Variants in ASTN2 observed in about 807,000 individuals in gnomAD.
The protein encoded by ASTN2 is astrotactin-2.
A neutral mutation model predicts 139.8 loss-of-function variants in ASTN2; 54 were observed. The ratio of observed to expected loss-of-function variants is 0.39; its 90% CI spans 0.31 to 0.48. ASTN2 has a LOEUF of 0.48. Ranked by LOEUF, ASTN2 falls within the 20% of genes least tolerant of loss-of-function variation. The probability of loss-of-function intolerance (pLI) is 0.95; values close to 1 mark genes in which losing one functional copy is unlikely to be tolerated. For missense variants in ASTN2, 1,565 were observed against 1,725.1 expected, an observed-to-expected ratio of 0.91 and a Z score of 1.64; for synonymous variants, 756 against 719.5, an observed-to-expected ratio of 1.05 and a Z score of -0.81.
chr9:116,760,991 T>C (rs1829659011), intron 13 of ASTN2, among the ~76,000 whole-genome samples: 1 of 152,174 alleles, frequency 6.6e-6, no homozygotes, highest in Non-Finnish European at 1.5e-5. Flanking sequence ...TGTGCTGAGA[T>C]GCTGGAAGGA....
chr9:116,681,227 A>G (rs1448397483), intron 16 of ASTN2, among the ~76,000 whole-genome samples: 1 of 152,228 alleles, frequency 6.6e-6, no homozygotes, highest in Non-Finnish European at 1.5e-5. Flanking sequence ...TTATATACCA[A>G]TAACAGACAA....
chr9:116,611,100 T>G (rs188014291), intron 19 of ASTN2: 1 of 152,014 alleles, frequency 6.6e-6, no homozygotes, highest in Non-Finnish European at 1.5e-5. Flanking sequence ...TTTCTGACTA[T>G]AGCGGAATCA....
intron 7 of ASTN2, among the ~76,000 whole-genome samples, chr9:116,996,641 C>A (rs1011551134): frequency 6.6e-6 from 1 of 152,080 alleles, no homozygotes; most frequent in Admixed American, 6.6e-5. Context: ...GCAGAAGAAA[C>A]AGCACCATCA....
chr9:116,498,087 A>C (rs1300726169), intron 19 of ASTN2, among the ~76,000 whole-genome samples: 1 of 152,198 alleles, frequency 6.6e-6, no homozygotes, highest in Non-Finnish European at 1.5e-5. Context: ...GGCAGGGTTG[A>C]AGTTATGATT....
intron 13 of ASTN2, among the ~76,000 whole-genome samples, chr9:116,754,795 T>C (rs192582936): frequency 6.6e-6 from 1 of 152,294 alleles, no homozygotes; most frequent in Non-Finnish European, 1.5e-5. Context: ...CGCAACCACA[T>C]AATTCTGGGA....
In ASTN2 at chr9:117,147,438, AACACACACAC is replaced by A. The variant is rs35703147; in HGVS notation, c.1016-5970_1016-5961del. ...GTGAAAGAGTGAGACTCTGACTCAA[AACACACACAC>A]ACACACACACACACACCCCCGTTAT... On this transcript the variant is annotated intron_variant, in intron 3 of 22. Transcript: ENST00000313400. Among the ~76,000 whole-genome samples, 23 of 148,372 alleles carry A rather than the reference AACACACACAC, an allele frequency of 1.6e-4. No individual in the cohort carries two copies. In the South Asian group the frequency reaches 1.7e-3, roughly 11 times the overall value.
At chr9:116,746,909 G>A (rs1423563305) in intron 13 of ASTN2, among the ~76,000 whole-genome samples, 1 of 152,038 alleles carries the variant, frequency 6.6e-6, no homozygotes, top group African/African-American at 2.4e-5. Context: ...CATGCACTAG[G>A]GGCTCAAGAA....
At chr9:116,502,905 A>G (rs1211610519) in intron 19 of ASTN2, among the ~76,000 whole-genome samples, 1 of 142,154 alleles carries the variant, frequency 7.0e-6, no homozygotes, top group East Asian at 2.3e-4. Context: ...GGAAGGAAGG[A>G]GGAAAGGAGG....
In ASTN2 at chr9:116,651,713, T is replaced by A. The variant is rs769551031; in HGVS notation, c.2887A>T (p.Met963Leu). ...TYLSGLLTAQ[M>L]LSDDQLISGV... ...GAAATGAGCTGGTCATCTGACAGCA[T>A]CTGGGCTGTCAGCAAACCTGAGAGG... The change falls in exon 17 of 23, where the codon ATG becomes TTG. Residue 963 changes from methionine (M) to leucine (L), a missense_variant. Around this residue, in one of 4 missense-constraint regions of ASTN2, gnomAD observed 48 missense variants for 90.7 expected, o/e 0.53. Coordinates refer to ENST00000313400, the MANE Select transcript of ASTN2 (RefSeq NM_001365068.1). 3.1e-6 allele frequency: 5 copies of A among 1,614,128 alleles called. No homozygotes were observed. Among genetic ancestry groups the A allele is most frequent in the Non-Finnish European group, 4.2e-6 (5 of 1,180,008 alleles).
rs372600668 is a variant in ASTN2, at chr9:116,601,234, A to T, written c.3355+17090T>A. 5.3e-5 allele frequency among the ~76,000 whole-genome samples: 8 copies of T among 152,324 alleles called. No homozygotes were observed. The East Asian group carries it at 9.7e-4, about 18-fold the overall frequency. On this transcript the variant is annotated intron_variant, in intron 19 of 22. Transcript: ENST00000313400. ...CTGTAGCATCAATAGTAGAGAGAAG[A>T]AGTAGGTAAGTGCAATTATTCAAAC...
intron 22 of ASTN2, among the ~76,000 whole-genome samples, chr9:116,427,768 G>A (rs1238756882): frequency 6.6e-6 from 1 of 152,210 alleles, no homozygotes; most frequent in Non-Finnish European, 1.5e-5. Context: ...TATTTCCTGA[G>A]GTGCCAAGAA....
At chr9:117,281,143 T>C (rs1415931360) in intron 2 of ASTN2, among the ~76,000 whole-genome samples, 3 of 152,176 alleles carry the variant, frequency 2.0e-5, no homozygotes, top group Admixed American at 6.5e-5. Context: ...GTAGGAAGAA[T>C]ATTTTTAGAG....
At chr9:116,834,872 A>T (rs985326783) in intron 11 of ASTN2, among the ~76,000 whole-genome samples, 2 of 152,146 alleles carry the variant, frequency 1.3e-5, no homozygotes, top group Non-Finnish European at 2.9e-5. Flanking sequence ...ACATAGTGAG[A>T]TCCTATCTTT....
At chr9:116,446,237 C>G (rs1847985162) in intron 20 of ASTN2, among the ~76,000 whole-genome samples, 1 of 125,128 alleles carries the variant, frequency 8.0e-6, no homozygotes. Flanking sequence ...GAGACAGAGA[C>G]AGAGACAGAG....
intron 10 of ASTN2, among the ~76,000 whole-genome samples, chr9:116,965,532 G>C (rs1835989373): frequency 6.6e-6 from 1 of 152,302 alleles, no homozygotes; most frequent in Admixed American, 6.5e-5. Flanking sequence ...GGGGAGTACA[G>C]AAAGAAAGTG....
At chr9:116,882,239 G>GA (rs1387746664) in intron 10 of ASTN2, among the ~76,000 whole-genome samples, 1 of 152,166 alleles carries the variant, frequency 6.6e-6, no homozygotes, top group Non-Finnish European at 1.5e-5. Context: ...AGACATGGCA[G>GA]AAAGACTATT....
At position 116,545,352 on chromosome 9, in the gene ASTN2, C is replaced by CACCAT. The variant is rs1372137560; in HGVS notation, c.3356-57857_3356-57853dup. On this transcript the variant is annotated intron_variant, in intron 19 of 22. Transcript: ENST00000313400. ...GTGGATTGGAGTCTCCACATGTACC[C>CACCAT]ACCATTCTATACAAAATGCTTCATT... Among the ~76,000 whole-genome samples, 45 of 152,294 alleles carry CACCAT rather than the reference C, an allele frequency of 3.0e-4. 1 individual carries two copies. Among genetic ancestry groups the CACCAT allele is most frequent in the Admixed American group, 2.6e-3 (40 of 15,304 alleles).
chr9:117,021,221 G>C (rs1837869567), intron 6 of ASTN2, among the ~76,000 whole-genome samples: 1 of 152,032 alleles, frequency 6.6e-6, no homozygotes, highest in Admixed American at 6.6e-5. Flanking sequence ...TTTTAAATGT[G>C]AAGTTTCTGA....
intron 2 of ASTN2, among the ~76,000 whole-genome samples, chr9:117,232,037 G>C (rs1265646223): frequency 6.6e-6 from 1 of 152,102 alleles, no homozygotes; most frequent in Non-Finnish European, 1.5e-5. Flanking sequence ...TGGAGTAACT[G>C]TCTTCACCCT....
Sources: allele counts gnomAD v4.1 joint callset (sites outside exome capture counted in the v4.1 genomes callset), GRCh38; gene constraint gnomAD v4.1.1; regional missense constraint gnomAD v4.1.1; transcripts MANE v1.5; gene names NCBI Gene and HGNC (gene_info 2026-07-23, HGNC 2026-07-21).